Variants in KIAA2012 observed in about 807,000 individuals in gnomAD.
KIAA2012 encodes the protein uncharacterized protein KIAA2012.
KIAA2012 carries 125 observed loss-of-function variants against 150.6 expected under a neutral mutation model. The ratio of observed to expected loss-of-function variants is 0.83; its 90% CI spans 0.72 to 0.96. KIAA2012 has a LOEUF of 0.96. KIAA2012 is among the 40% of genes least tolerant of loss of function. The pLI is 0.00. For synonymous variants in KIAA2012, 462 were observed against 504.7 expected (o/e 0.92, Z 1.13); for missense variants, 1,219 against 1,354.9 (o/e 0.90, Z 1.57).
chr2:202,119,395 G>A (rs1051708706), intron 11 of KIAA2012, among the ~76,000 whole-genome samples: 1 of 152,086 alleles, frequency 6.6e-6, no homozygotes, highest in Admixed American at 6.5e-5. Context: ...TGGTACTTAT[G>A]TCATTTTTTA....
Position 202,190,359 on chromosome 2 carries a change from C to G in KIAA2012, c.2677C>G (p.Pro893Ala). Residue 893 changes from proline to alanine, a missense_variant, in exon 19 of 24, where the codon CCT becomes GCT. Coordinates refer to ENST00000498697, the MANE Select transcript of KIAA2012 (RefSeq NM_001277372.4). Reference protein sequence around the residue: ...SFASDSFVEDPWLSPKYDAQE... With the variant: ...SFASDSFVEDAWLSPKYDAQE... ...TGCCTCAGACTCCTTTGTAGAGGACCCTTGGCTTTCTCCCAAATATGATGC... is the reference window on the plus strand; with the variant it reads ...TGCCTCAGACTCCTTTGTAGAGGACGCTTGGCTTTCTCCCAAATATGATGC... 2 of 1,550,530 alleles carry G rather than the reference C, an allele frequency of 1.3e-6. No homozygotes were observed. The highest frequency in any genetic ancestry group is 1.7e-6 in the Non-Finnish European group (2 of 1,146,974).
chr2:202,168,293 C>T (rs898983376), intron 15 of KIAA2012, among the ~76,000 whole-genome samples: 5 of 151,700 alleles, frequency 3.3e-5, no homozygotes, highest in African/African-American at 1.2e-4. Context: ...GTGGCACGTG[C>T]CTGTAGTCCC....
chr2:202,181,771 T>A (rs374002110), intron 15 of KIAA2012, among the ~76,000 whole-genome samples: 2 of 152,202 alleles, frequency 1.3e-5, no homozygotes, highest in South Asian at 4.1e-4. Flanking sequence ...TGGTGAGATT[T>A]TTTTGGTTCT....
chr2:202,128,171 A>G (rs762018962), intron 12 of KIAA2012, among the ~76,000 whole-genome samples: 1 of 152,158 alleles, frequency 6.6e-6, no homozygotes, highest in Non-Finnish European at 1.5e-5. Flanking sequence ...CAACATGTGC[A>G]CAATGAACCA....
chr2:202,073,493 T>C lies in KIAA2012; in HGVS notation c.-135T>C, dbSNP rs1454944526. The C allele has an allele frequency of 6.0e-6, 4 of 667,998 alleles. No individual in the cohort carries two copies. The highest frequency in any genetic ancestry group is 1.0e-5 in the Non-Finnish European group (4 of 390,754). The allele number at this position is 667,998 out of a possible 1,614,324, so 41.4% of individuals were successfully genotyped here. On this transcript the variant is annotated 5_prime_UTR_variant, in exon 1 of 24. It removes an upstream start codon present in the reference 5' UTR. Coordinates refer to ENST00000498697, the MANE Select transcript of KIAA2012 (RefSeq NM_001277372.4). ...AAGAAGCTGCTGCGAGAGGGAAAAA[T>C]GTATTTAATAAAAGGCCCTGTGTTT...
chr2:202,099,561 C>T (rs1689987881), intron 5 of KIAA2012, 52 bp from the exon 6 acceptor site: 1 of 1,441,046 alleles, frequency 6.9e-7, no homozygotes. Flanking sequence ...GAAACCTGCT[C>T]TGCCCCTTTA....
rs1211130390 is a variant in KIAA2012, at chr2:202,073,723, A to G, written c.84+12A>G. The G allele has an allele frequency of 6.5e-6, 10 of 1,549,306 alleles. No individual in the cohort carries two copies. Among genetic ancestry groups the G allele is most frequent in the African/African-American group, 4.1e-5 (3 of 73,140 alleles). On this transcript the variant is annotated intron_variant, in intron 1 of 23. Transcript: ENST00000498697. Reference sequence around the variant, plus strand: ...ACTTTGAACCAGAGGTGAGTCCCACAGCTGAAGAAAGGCACATTTTGGAGG... The same window carrying G: ...ACTTTGAACCAGAGGTGAGTCCCACGGCTGAAGAAAGGCACATTTTGGAGG...
At chr2:202,191,397 C>T (rs777604590) in intron 19 of KIAA2012, among the ~76,000 whole-genome samples, 2 of 151,388 alleles carry the variant, frequency 1.3e-5, no homozygotes, top group South Asian at 2.1e-4. Flanking sequence ...TGCTGCAATT[C>T]GGCCGGATGC....
intron 11 of KIAA2012, chr2:202,115,231 A>G (rs746038079): frequency 6.6e-6 from 1 of 152,108 alleles, no homozygotes; most frequent in Non-Finnish European, 1.5e-5. Context: ...AAAAACCACA[A>G]TTACTTTTGC....
chr2:202,179,180 C>A, intron 15 of KIAA2012: 1 of 563,310 alleles, frequency 1.8e-6, no homozygotes. Context: ...CTCCCTTAGA[C>A]CAGCATCTGT....
chr2:202,150,511 C>T (rs1458447734), intron 13 of KIAA2012, among the ~76,000 whole-genome samples: 5 of 151,704 alleles, frequency 3.3e-5, no homozygotes, highest in Admixed American at 6.6e-5. Flanking sequence ...TGCAGTGGCG[C>T]GATCTCCGCT....
At chr2:202,188,321 G>A (rs115401595) in intron 18 of KIAA2012, 55 bp downstream of exon 18, 44,475 of 1,414,920 alleles carry the variant, frequency 0.031, 873 homozygotes, top group Middle Eastern at 0.045. Flanking sequence ...TTAGGGGTCG[G>A]GAGGTGGTAT....
chr2:202,156,225 A>T (rs557105239), intron 14 of KIAA2012, among the ~76,000 whole-genome samples: 2 of 152,112 alleles, frequency 1.3e-5, no homozygotes, highest in Admixed American at 1.3e-4. Flanking sequence ...AAAAACTACA[A>T]GAAAGAAGAA....
At chr2:202,201,690 G>A (rs1692529227) in intron 22 of KIAA2012, 1 of 1,605,820 alleles carries the variant, frequency 6.2e-7, no homozygotes, top group Non-Finnish European at 8.5e-7. Flanking sequence ...AGAGGCTCCA[G>A]GAAAGCGGCC....
chr2:202,202,594 T>C lies in KIAA2012; in HGVS notation c.*20+7T>C, dbSNP rs1477517231. The C allele has an allele frequency of 2.5e-6, 1 of 398,568 alleles. No homozygotes were observed. Among genetic ancestry groups the C allele is most frequent in the Non-Finnish European group, 4.4e-6 (1 of 225,956 alleles). 24.7% of individuals were successfully genotyped at this position (398,568 alleles called of 1,614,324 possible). A position where few individuals can be genotyped will look rare whatever the true frequency, so the allele number is the denominator to read the frequency against. Reference sequence around the variant, plus strand: ...GCTAGAAGAAAACTAAAAAGTAAGTTGGGAGATGGTGAAAGAAAAGGAGAA... The same window carrying C: ...GCTAGAAGAAAACTAAAAAGTAAGTCGGGAGATGGTGAAAGAAAAGGAGAA... On this transcript the variant is annotated splice_region_variant and intron_variant, in intron 23 of 23. Transcript: ENST00000498697.
At chr2:202,184,114 A>G (rs1276175281) in intron 15 of KIAA2012, among the ~76,000 whole-genome samples, 1 of 152,156 alleles carries the variant, frequency 6.6e-6, no homozygotes, top group Non-Finnish European at 1.5e-5. Context: ...GGCTGAGCGC[A>G]GTGGCTCACA....
At chr2:202,188,940 CCA>C (rs1692279110) in intron 18 of KIAA2012, among the ~76,000 whole-genome samples, 1 of 152,146 alleles carries the variant, frequency 6.6e-6, no homozygotes, top group Non-Finnish European at 1.5e-5. Context: ...CCTTTACTGC[CCA>C]CATGATTCAG....
At chr2:202,150,509 C>G (rs1040405707) in intron 13 of KIAA2012, among the ~76,000 whole-genome samples, 1 of 151,552 alleles carries the variant, frequency 6.6e-6, no homozygotes, top group Admixed American at 6.6e-5. Flanking sequence ...AGTGCAGTGG[C>G]GCGATCTCCG....
At position 202,138,503 on chromosome 2, in the gene KIAA2012, A is replaced by C; in HGVS notation, c.1903A>C (p.Lys635Gln). 2 of 1,549,162 alleles carry C rather than the reference A, an allele frequency of 1.3e-6. No homozygotes were observed. The highest frequency in any genetic ancestry group is 1.7e-6 in the Non-Finnish European group (2 of 1,145,724). The change falls in exon 13 of 24, where the codon AAG (lysine) becomes CAG (glutamine). Residue 635 changes from lysine (K) to glutamine (Q), a missense_variant. Transcript: ENST00000498697. Reference sequence around the variant, plus strand: ...CTCACCGTTGACCCAAACAACAGAGAAGCAGGTATAGTATTGACTCTGAAT... The same window carrying C: ...CTCACCGTTGACCCAAACAACAGAGCAGCAGGTATAGTATTGACTCTGAAT... ...ETSPLTQTTEKQGAQQSLEAA... is the reference protein window; with the variant it reads ...ETSPLTQTTEQQGAQQSLEAA...
Sources: allele counts gnomAD v4.1 joint callset (sites outside exome capture counted in the v4.1 genomes callset), GRCh38; gene constraint gnomAD v4.1.1; transcripts MANE v1.5; gene names NCBI Gene and HGNC (gene_info 2026-07-23, HGNC 2026-07-21).